PRR16: variants seen among roughly 807,000 people sequenced by gnomAD.
The protein encoded by PRR16 is protein Largen.
In PRR16, 6 loss-of-function variants were observed where a neutral mutation model predicts 18.2. The observed-to-expected ratio is 0.33, with a 90% CI of 0.18 to 0.65. The LOEUF (loss-of-function observed/expected upper bound fraction) is 0.65, where lower values mean the gene tolerates loss of function less well. Ranked by LOEUF, PRR16 falls within the 30% of genes least tolerant of loss-of-function variation. The pLI is 0.74. For missense variants in PRR16, 412 were observed against 376.6 expected, an observed-to-expected ratio of 1.09 and a Z score of -0.78; for synonymous variants, 151 against 147.8, an observed-to-expected ratio of 1.02 and a Z score of -0.16.
At chr5:120,487,588 T>C (rs890941739) in intron 1 of PRR16, among the ~76,000 whole-genome samples, 7 of 152,178 alleles carry the variant, frequency 4.6e-5, no homozygotes, top group Non-Finnish European at 1.0e-4. Context: ...TCATGTCATC[T>C]GCAAACAGGG....
At chr5:120,665,550 G>A (rs1361137437) in intron 1 of PRR16, among the ~76,000 whole-genome samples, 1 of 152,124 alleles carries the variant, frequency 6.6e-6, no homozygotes, top group African/African-American at 2.4e-5. Flanking sequence ...TGTCCTGAAT[G>A]GTATTGCCTA....
At chr5:120,735,806 A>G in the PRR16 span, among the ~76,000 whole-genome samples, 6 of 152,082 alleles carry the variant, frequency 3.9e-5, no homozygotes, top group African/African-American at 1.4e-4. Flanking sequence ...TGTTATTGCT[A>G]TGCAGAAGCT....
the PRR16 span, among the ~76,000 whole-genome samples, chr5:120,758,238 A>G: frequency 6.6e-6 from 1 of 152,086 alleles, no homozygotes; most frequent in East Asian, 1.9e-4. Context: ...GTATTCTCAA[A>G]TGTAGTATTT....
the PRR16 span, among the ~76,000 whole-genome samples, chr5:120,791,111 T>C: frequency 2.0e-5 from 3 of 152,140 alleles, no homozygotes; most frequent in Admixed American, 2.0e-4. Flanking sequence ...ATAACAGTTT[T>C]TATAGCCAAA....
At chr5:120,768,686 C>T in the PRR16 span, among the ~76,000 whole-genome samples, 1 of 151,658 alleles carries the variant, frequency 6.6e-6, no homozygotes, top group Admixed American at 6.6e-5. Flanking sequence ...TGGTTGCAGT[C>T]AGAGTTGCTG....
At position 120,658,770 on chromosome 5, in the gene PRR16, TGA is replaced by T. The variant is rs528010645; in HGVS notation, c.160-27180_160-27179del. The stretch of plus-strand genomic sequence containing the variant: ...ATCTGCTCCCATTTTTCTAATTATA[TGA>T]GAGTGAAATCATATTTAAAAATTAA... On this transcript the variant is annotated intron_variant, in intron 1 of 1. Coordinates refer to ENST00000407149, the MANE Select transcript of PRR16 (RefSeq NM_001300783.2). Among the ~76,000 whole-genome samples the T allele has an allele frequency of 2.0e-5, 3 of 152,152 alleles. No individual in the cohort carries two copies. The East Asian group carries it at 5.8e-4, about 29-fold the overall frequency.
chr5:120,690,770 A>G (rs2150158782), downstream of PRR16, among the ~76,000 whole-genome samples: 1 of 152,316 alleles, frequency 6.6e-6, no homozygotes, highest in Non-Finnish European at 1.5e-5. Context: ...AGTGTTGAAC[A>G]TAAAACTGCA....
downstream of PRR16, among the ~76,000 whole-genome samples, chr5:120,689,681 T>C (rs570370596): frequency 1.3e-5 from 2 of 152,038 alleles, no homozygotes; most frequent in Admixed American, 6.6e-5. Context: ...AATGTGATAA[T>C]ATCCATACTG....
chr5:120,605,901 A>C (rs1754138411), intron 1 of PRR16, among the ~76,000 whole-genome samples: 1 of 152,136 alleles, frequency 6.6e-6, no homozygotes, highest in Admixed American at 6.6e-5. Flanking sequence ...GGGGCCATGC[A>C]TTCACAGTCC....
chr5:120,791,607 C>G, the PRR16 span, among the ~76,000 whole-genome samples: 4 of 83,570 alleles, frequency 4.8e-5, no homozygotes, highest in East Asian at 8.8e-4. Flanking sequence ...ATCTATCTAT[C>G]TATCTATCTA....
chr5:120,753,996 TAA>T, the PRR16 span, among the ~76,000 whole-genome samples: 6 of 121,268 alleles, frequency 4.9e-5, no homozygotes, highest in Non-Finnish European at 3.3e-5. Context: ...ATAACATATA[TAA>T]TATATATATT....
At chr5:120,630,242 A>T in intron 1 of PRR16, among the ~76,000 whole-genome samples, 1 of 150,668 alleles carries the variant, frequency 6.6e-6, no homozygotes, top group East Asian at 1.9e-4. Flanking sequence ...TGTCTTGTTC[A>T]TTTTCTTGTT....
downstream of PRR16, among the ~76,000 whole-genome samples, chr5:120,689,335 T>A (rs6595254): frequency 0.99 from 150,639 of 152,302 alleles, 74,513 homozygotes; most frequent in East Asian, 1. Context: ...AACATACAGC[T>A]TCATAATATT....
chr5:120,487,816 C>T (rs1025387494), intron 1 of PRR16, among the ~76,000 whole-genome samples: 6 of 152,088 alleles, frequency 3.9e-5, no homozygotes, highest in Non-Finnish European at 2.9e-5. Context: ...TTTTGAGATA[C>T]GTCCCAACAG....
chr5:120,734,708 A>T, the PRR16 span, among the ~76,000 whole-genome samples: 29 of 152,312 alleles, frequency 1.9e-4, no homozygotes, highest in South Asian at 6.0e-3. Flanking sequence ...CTGCTAGTAG[A>T]ACTGTAGTCC....
chr5:120,643,155 T>C (rs1755476999), intron 1 of PRR16, among the ~76,000 whole-genome samples: 1 of 151,298 alleles, frequency 6.6e-6, no homozygotes, highest in Non-Finnish European at 1.5e-5. Flanking sequence ...GATAATAAAA[T>C]GTTTGAAACA....
At chr5:120,640,081 G>A (rs138122495) in intron 1 of PRR16, among the ~76,000 whole-genome samples, 4 of 152,030 alleles carry the variant, frequency 2.6e-5, no homozygotes, top group Admixed American at 6.6e-5. Flanking sequence ...ATAAGTGGGA[G>A]CTAAGCATGT....
the PRR16 span, among the ~76,000 whole-genome samples, chr5:120,750,024 T>C: frequency 4.5e-3 from 686 of 152,318 alleles, 6 homozygotes; most frequent in African/African-American, 0.016. Context: ...AAAATACATA[T>C]GAATCAACAT....
chr5:120,742,572 CAT>C, the PRR16 span, among the ~76,000 whole-genome samples: 76 of 151,938 alleles, frequency 5.0e-4, no homozygotes, highest in South Asian at 2.1e-4. Flanking sequence ...AGATTAAAAG[CAT>C]AGTTTCATAA....
Sources: allele counts gnomAD v4.1 joint callset (sites outside exome capture counted in the v4.1 genomes callset), GRCh38; gene constraint gnomAD v4.1.1; transcripts MANE v1.5; gene names NCBI Gene and HGNC (gene_info 2026-07-23, HGNC 2026-07-21).